The following ZNF638 variants were observed in gnomAD, a reference collection of about 807,000 sequenced individuals.
ZNF638 encodes the protein zinc finger protein 638, also known as CTCL tumor antigen se33-1.
ZNF638 carries 46 observed loss-of-function variants against 195.6 expected under a neutral mutation model. That is an observed-to-expected ratio of 0.24 (90% CI 0.19 to 0.30). ZNF638 has a LOEUF of 0.30. ZNF638 is among the 10% of genes least tolerant of loss of function. The pLI is 1.00. For missense variants in ZNF638, 2,440 were observed against 2,325.3 expected, an observed-to-expected ratio of 1.05 and a Z score of -1.01; for synonymous variants, 845 against 772.0, an observed-to-expected ratio of 1.09 and a Z score of -1.57.
chr2:71,407,178 C>T (rs927348312), intron 19 of ZNF638: 1 of 151,968 alleles, frequency 6.6e-6, no homozygotes, highest in African/African-American at 2.4e-5. Flanking sequence ...TAAAAGTGGA[C>T]AATATTCATA....
At chr2:71,380,451 T>G in intron 9 of ZNF638, 62 bp from the exon 10 acceptor site, 1 of 1,442,230 alleles carries the variant, frequency 6.9e-7, no homozygotes, top group Non-Finnish European at 9.5e-7. Flanking sequence ...TATTACATTT[T>G]TAGGATTTTG....
At chr2:71,417,623 A>G (rs1327777374) in intron 20 of ZNF638, among the ~76,000 whole-genome samples, 1 of 150,294 alleles carries the variant, frequency 6.7e-6, no homozygotes, top group East Asian at 1.9e-4. Flanking sequence ...TGGCCAATAT[A>G]GGTATCTGAT....
At chr2:71,336,109 C>A (rs767864884) in intron 1 of ZNF638, among the ~76,000 whole-genome samples, 1 of 152,178 alleles carries the variant, frequency 6.6e-6, no homozygotes, top group Non-Finnish European at 1.5e-5. Context: ...CGGTGGCTCA[C>A]GCCTGTAATC....
intron 1 of ZNF638, among the ~76,000 whole-genome samples, chr2:71,339,846 C>G (rs770072783): frequency 6.6e-6 from 1 of 152,148 alleles, no homozygotes; most frequent in African/African-American, 2.4e-5. Context: ...GTTACACTTA[C>G]TAGGAGTGTT....
Position 71,423,050 on chromosome 2 carries a change from C to G in ZNF638, c.3536C>G (p.Pro1179Arg). Reference protein sequence around the residue: ...TQGEEVKEEIPLVASASVSIE... With the variant: ...TQGEEVKEEIRLVASASVSIE... ...GGAGAGGAGGTCAAAGAAGAAATTCCTCTTGTAGCATCCGCTTCAGTCAGT... is the reference window on the plus strand; with the variant it reads ...GGAGAGGAGGTCAAAGAAGAAATTCGTCTTGTAGCATCCGCTTCAGTCAGT... Residue 1179 changes from proline to arginine, a missense_variant, in exon 22 of 28, where the codon CCT (proline) becomes CGT (arginine). Physicochemically the swap from Pro to Arg is moderately radical, Grantham distance 103. Transcript: ENST00000264447. The G allele has an allele frequency of 2.5e-6, 4 of 1,614,116 alleles. No individual in the cohort carries two copies. The highest frequency in any genetic ancestry group is 3.4e-6 in the Non-Finnish European group (4 of 1,180,004).
chr2:71,355,054 C>T lies in ZNF638; in HGVS notation c.1318-665C>T, dbSNP rs539117793. On this transcript the variant is annotated intron_variant, in intron 2 of 27. Coordinates refer to ENST00000264447, the MANE Select transcript of ZNF638 (RefSeq NM_014497.5). ...CGCAATCTCGGCTCACTGCAAGCTC[C>T]GCCTCCCGGGTTCACGCCATTCTCC... Among the ~76,000 whole-genome samples, 20 of 152,122 alleles carry T rather than the reference C, an allele frequency of 1.3e-4. No individual in the cohort carries two copies. In the South Asian group the frequency reaches 2.7e-3, roughly 21 times the overall value.
chr2:71,368,221 C>T (rs562636377), intron 6 of ZNF638, among the ~76,000 whole-genome samples, 161 bp from the exon 7 acceptor site: 66 of 151,830 alleles, frequency 4.3e-4, no homozygotes, highest in Non-Finnish European at 7.2e-4. Context: ...TTTAAAAATG[C>T]GTAAAGGAGG....
intron 3 of ZNF638, among the ~76,000 whole-genome samples, chr2:71,362,014 G>A (rs1290013196): frequency 1.3e-5 from 2 of 152,048 alleles, no homozygotes; most frequent in African/African-American, 4.8e-5. Context: ...CTTTCATCTT[G>A]CTGCTGAAAT....
At position 71,423,159 on chromosome 2, in the gene ZNF638, AATT is replaced by A. The variant is rs773979126; in HGVS notation, c.3650_3652del (p.Ile1217del). On this transcript the variant is annotated inframe_deletion, in exon 22 of 28. Coordinates refer to ENST00000264447, the MANE Select transcript of ZNF638 (RefSeq NM_014497.5). ...GTGACTTGGAGAAGAAAGGGGCAGAAATTATTAACCCTAAAACAGCATTGTTAC... is the reference window on the plus strand; with the variant it reads ...GTGACTTGGAGAAGAAAGGGGCAGAAATTAACCCTAAAACAGCATTGTTAC... 2.6e-5 allele frequency: 42 copies of A among 1,614,032 alleles called. No homozygotes were observed. The highest frequency in any genetic ancestry group is 1.1e-5 in the Non-Finnish European group (13 of 1,180,000).
At chr2:71,399,794 C>A (rs2079969747) in intron 13 of ZNF638, 149 bp downstream of exon 13, 1 of 668,694 alleles carries the variant, frequency 1.5e-6, no homozygotes, top group Admixed American at 3.3e-5. Context: ...AGATATTAAG[C>A]CTAGGACCCA....
rs557316759 is a variant in ZNF638 at position 71,419,823 on chromosome 2, A to G, written c.3299+1184A>G. On this transcript the variant is annotated intron_variant, in intron 21 of 27. Transcript: ENST00000264447. ...TGCATGAAAAGTTGTTCTCCATAGC[A>G]ATAGCAGTTGGTCATTGTTCTCCTC... 5.9e-5 allele frequency among the ~76,000 whole-genome samples: 9 copies of G among 152,264 alleles called. No homozygotes were observed. In the South Asian group the frequency reaches 1.9e-3, roughly 32 times the overall value.
At chr2:71,370,851 T>A (rs986531709) in intron 8 of ZNF638, among the ~76,000 whole-genome samples, 1 of 152,212 alleles carries the variant, frequency 6.6e-6, no homozygotes, top group African/African-American at 2.4e-5. Flanking sequence ...TATACTCTTA[T>A]AATTGTTTAA....
rs1216192393 is a variant in ZNF638, at chr2:71,418,588, T to C, written c.3262-14T>C. On this transcript the variant is annotated splice_polypyrimidine_tract_variant and intron_variant, in intron 20 of 27. Transcript: ENST00000264447. ...AGTGGAATAGCCTCTAATAAAATGC[T>C]GATTATATTACAGGTGCAAATTGAG... 2.0e-6 allele frequency: 3 copies of C among 1,532,102 alleles called. No homozygotes were observed. The highest frequency in any genetic ancestry group is 2.6e-5 in the South Asian group (2 of 75,498). 94.9% of individuals were successfully genotyped at this position (1,532,102 alleles called of 1,614,324 possible). A position where few individuals can be genotyped will look rare whatever the true frequency, so the allele number is the denominator to read the frequency against.
intron 6 of ZNF638, among the ~76,000 whole-genome samples, chr2:71,367,394 T>C (rs1478476164): frequency 6.6e-5 from 10 of 150,572 alleles, no homozygotes. Flanking sequence ...GGTAGAAGAC[T>C]ACAGGTATGC....
rs2078965689 is a variant in ZNF638 at position 71,352,890 on chromosome 2, G to A, written c.1317+2619G>A. The stretch of plus-strand genomic sequence containing the variant: ...ATTTGAGAGGAAAGGAAATCATTTA[G>A]TCATCATTAGAGCTCACCTAGATAG... On this transcript the variant is annotated intron_variant, in intron 2 of 27. Transcript: ENST00000264447. 2.0e-5 allele frequency among the ~76,000 whole-genome samples: 3 copies of A among 152,264 alleles called. No individual in the cohort carries two copies. In the South Asian group the frequency reaches 6.2e-4, roughly 32 times the overall value.
Position 71,350,184 on chromosome 2 carries a change from T to C in ZNF638, c.1230T>C (p.Pro410=), listed in dbSNP as rs1329354544. ...DAQKMKRLPT[P]SMMNDYYAAS... is the part of the protein sequence containing the mutation. ...AGAAGATGAAGAGACTTCCAACTCC[T>C]TCTATGATGAATGATTATTATGCAG... Residue 410 remains proline, a synonymous_variant, in exon 2 of 28, where the codon CCT becomes CCC. Transcript: ENST00000264447. 6.2e-7 allele frequency: 1 copy of C among 1,612,326 alleles called. No individual in the cohort carries two copies. Among genetic ancestry groups the C allele is most frequent in the East Asian group, 2.2e-5 (1 of 44,886 alleles).
intron 20 of ZNF638, among the ~76,000 whole-genome samples, chr2:71,410,739 G>C (rs1558876146): frequency 6.6e-6 from 1 of 152,138 alleles, no homozygotes; most frequent in Non-Finnish European, 1.5e-5. Flanking sequence ...GTCAGTGATA[G>C]TCCCTCAGCA....
intron 22 of ZNF638, 78 bp downstream of exon 22, chr2:71,424,116 G>GT: frequency 2.6e-6 from 4 of 1,511,474 alleles, no homozygotes; most frequent in Non-Finnish European, 3.5e-6. Context: ...AGTAGGAGAT[G>GT]TAATTTTGTT....
chr2:71,405,080 CT>C (rs1573130361), intron 17 of ZNF638, among the ~76,000 whole-genome samples: 1 of 151,938 alleles, frequency 6.6e-6, no homozygotes, highest in East Asian at 1.9e-4. Flanking sequence ...GATCCTCAGT[CT>C]TATAAAGTCC....
Sources: gnomAD v4.1 joint callset for allele counts (sites outside exome capture counted in the v4.1 genomes callset) on GRCh38, gnomAD v4.1.1 for gene constraint, MANE v1.5 for transcripts, NCBI Gene and HGNC (gene_info 2026-07-23, HGNC 2026-07-21) for gene names.